Variants in EPX observed in about 807,000 individuals in gnomAD.
The protein encoded by EPX is eosinophil peroxidase.
Under a neutral mutation model 73.0 loss-of-function variants are expected in EPX, and 60 were observed. The ratio of observed to expected loss-of-function variants is 0.82; its 90% CI spans 0.67 to 1.02. EPX has a LOEUF of 1.02. Ranked by LOEUF, EPX falls within the 50% of genes least tolerant of loss-of-function variation. The probability of loss-of-function intolerance (pLI) is 0.00; values close to 1 mark genes in which losing one functional copy is unlikely to be tolerated. For missense variants in EPX, 950 were observed against 973.9 expected, an observed-to-expected ratio of 0.98 and a Z score of 0.33; for synonymous variants, 347 against 389.2, an observed-to-expected ratio of 0.89 and a Z score of 1.28.
At chr17:58,194,369 G>A (rs369302250) in intron 5 of EPX, among the ~76,000 whole-genome samples, 6 of 152,260 alleles carry the variant, frequency 3.9e-5, no homozygotes, top group Non-Finnish European at 7.4e-5. Flanking sequence ...GGTGTTGTAC[G>A]GTTTTTTCTG....
intron 10 of EPX, chr17:58,202,813 T>G: frequency 2.0e-6 from 1 of 495,626 alleles, no homozygotes; most frequent in Non-Finnish European, 3.7e-6. Context: ...GTCGGATTTG[T>G]GGTTATGAGT....
chr17:58,194,726 C>G (rs1017692688), intron 5 of EPX, among the ~76,000 whole-genome samples: 2 of 152,194 alleles, frequency 1.3e-5, no homozygotes, highest in African/African-American at 4.8e-5. Flanking sequence ...GCCAGTCAAC[C>G]TAGCCCCTCT....
Position 58,199,743 on chromosome 17 carries a change from C to T in EPX, c.1486C>T (p.His496Tyr), listed in dbSNP as rs757730085. 13 of 1,614,164 alleles carry T rather than the reference C, an allele frequency of 8.1e-6. No individual in the cohort carries two copies. In the East Asian group the frequency reaches 2.7e-4, roughly 33 times the overall value. Residue 496 changes from histidine to tyrosine, a missense_variant, in exon 9 of 13, where the codon CAT (histidine) becomes TAT (tyrosine). By Grantham distance (83) the His-to-Tyr change is moderately conservative. Transcript: ENST00000225371. ...GTACCGGGCCTCCGCACCCAACTCG[C>T]ATGTCCCACTTAGCTCTGCCTTCTT... ...SQYRASAPNS[H>Y]VPLSSAFFAS... is the part of the protein sequence containing the mutation.
chr17:58,195,263 C>A (rs972851361), intron 6 of EPX, 93 bp downstream of exon 6: 2 of 966,150 alleles, frequency 2.1e-6, no homozygotes, highest in African/African-American at 3.2e-5. Context: ...GGAGCACCAT[C>A]CTTAAGGAGC....
intron 5 of EPX, 131 bp from the exon 6 acceptor site, chr17:58,194,833 G>T: frequency 1.4e-6 from 1 of 731,568 alleles, no homozygotes; most frequent in South Asian, 1.5e-5. Context: ...GACAAAAGGG[G>T]CATGGAGGGC....
Position 58,199,171 on chromosome 17 carries a change from G to C in EPX, c.1252G>C (p.Ala418Pro), listed in dbSNP as rs1567789642. Reference protein sequence around the residue: ...RWNGDKLYNEARKIMGAMVQI... With the variant: ...RWNGDKLYNEPRKIMGAMVQI... ...GAATGGAGACAAACTGTACAATGAG[G>C]CTCGGAAGATCATGGGGGCCATGGT... The change falls in exon 8 of 13, where the codon GCT becomes CCT. Residue 418 changes from alanine to proline, a missense_variant. Physicochemically the swap from Ala to Pro is conservative, Grantham distance 27 (BLOSUM62 -1). Coordinates refer to ENST00000225371, the MANE Select transcript of EPX (RefSeq NM_000502.6). 3.1e-6 allele frequency: 5 copies of C among 1,614,096 alleles called. No individual in the cohort carries two copies. The East Asian group carries it at 1.1e-4, about 36-fold the overall frequency.
Position 58,204,360 on chromosome 17 carries a change from T to C in EPX, c.2085T>C (p.Pro695=). The change falls in exon 12 of 13, where the codon CCT becomes CCC. Residue 695 remains proline (P), a synonymous_variant. Transcript: ENST00000225371. ...SRDIFRANIY[P]RGFVNCSRIP... is the part of the protein sequence containing the mutation. ...ACATCTTCAGAGCCAACATCTACCC[T>C]CGGGGCTTTGTGAACTGCAGCCGTA... 6.2e-7 allele frequency: 1 copy of C among 1,614,076 alleles called. No homozygotes were observed. The highest frequency in any genetic ancestry group is 2.2e-5 in the East Asian group (1 of 44,880).
intron 11 of EPX, 58 bp downstream of exon 11, chr17:58,203,376 C>A: frequency 1.9e-6 from 2 of 1,072,300 alleles, no homozygotes; most frequent in Non-Finnish European, 2.9e-6. Flanking sequence ...AAAACACTAG[C>A]ATTTCAAGAC....
chr17:58,200,464 C>T (rs1968324977), intron 10 of EPX, 69 bp downstream of exon 10: 36 of 1,472,084 alleles, frequency 2.4e-5, no homozygotes, highest in Non-Finnish European at 3.2e-5. Context: ...TCTGGGAAGA[C>T]CCTGGTACCT....
In EPX at chr17:58,196,972, C is replaced by T. The variant is rs750422182; in HGVS notation, c.835C>T (p.Arg279Cys). 1.7e-5 allele frequency: 28 copies of T among 1,613,984 alleles called. No individual in the cohort carries two copies. Among genetic ancestry groups the T allele is most frequent in the East Asian group, 4.5e-5 (2 of 44,894 alleles). Residue 279 changes from arginine (R) to cysteine (C), a missense_variant, in exon 7 of 13, where the codon CGT becomes TGT. Arg to Cys is a radical substitution (Grantham distance 180). Coordinates refer to ENST00000225371, the MANE Select transcript of EPX (RefSeq NM_000502.6). ...PPNDPRIKNQ[R>C]DCIPFFRSAP... Reference sequence around the variant, plus strand: ...CAATGACCCCCGCATCAAGAACCAGCGTGACTGCATCCCTTTCTTCCGCTC... The same window carrying T: ...CAATGACCCCCGCATCAAGAACCAGTGTGACTGCATCCCTTTCTTCCGCTC...
At chr17:58,198,355 T>C (rs1297497305) in intron 7 of EPX, among the ~76,000 whole-genome samples, 1 of 152,204 alleles carries the variant, frequency 6.6e-6, no homozygotes. Context: ...ACTGTTTTCC[T>C]CACAGAGAGT....
At chr17:58,199,359 G>A (rs1409503579) in intron 8 of EPX, among the ~76,000 whole-genome samples, 159 bp downstream of exon 8, 2 of 152,172 alleles carry the variant, frequency 1.3e-5, no homozygotes, top group African/African-American at 2.4e-5. Flanking sequence ...TCTAACTCCC[G>A]TGTGACCCTG....
rs745924084 is a variant in EPX, at chr17:58,199,141, C to T, written c.1222C>T (p.Arg408Trp). The change falls in exon 8 of 13, where the codon CGG becomes TGG. Residue 408 changes from arginine to tryptophan, a missense_variant. By Grantham distance (101) the Arg-to-Trp change is moderately radical. Transcript: ENST00000225371. ...LATELRRLNP[R>W]WNGDKLYNEA... ...CACCGAGCTGAGACGCCTGAATCCC[C>T]GGTGGAATGGAGACAAACTGTACAA... 1.4e-5 allele frequency: 23 copies of T among 1,613,984 alleles called. No individual in the cohort carries two copies. The highest frequency in any genetic ancestry group is 1.7e-5 in the Non-Finnish European group (20 of 1,180,010).
In EPX at chr17:58,193,793, C is replaced by T. The variant is rs144072173; in HGVS notation, c.426C>T (p.Ser142=). 4.0e-5 allele frequency: 64 copies of T among 1,613,166 alleles called. No homozygotes were observed. Among genetic ancestry groups the T allele is most frequent in the African/African-American group, 5.3e-5 (4 of 74,908 alleles). ...CALRDQAERC[S]DKYRTITGRC... ...TCCGGGACCAGGCCGAGCGCTGCAG[C>T]GACAAGTACCGCACCATCACTGGAC... is the stretch of plus-strand genomic sequence containing the variant. The change falls in exon 4 of 13, where the codon AGC becomes AGT. Residue 142 remains serine, a synonymous_variant. Transcript: ENST00000225371.
chr17:58,198,204 T>TGCCC (rs1968288471), intron 7 of EPX, among the ~76,000 whole-genome samples: 1 of 152,234 alleles, frequency 6.6e-6, no homozygotes, highest in African/African-American at 2.4e-5. Flanking sequence ...ATTATTATTG[T>TGCCC]TCTCATTTTA....
rs1324684763 is a variant in EPX at position 58,193,828 on chromosome 17, A to G, written c.461A>G (p.Asn154Ser). 1.2e-6 allele frequency: 2 copies of G among 1,610,840 alleles called. No homozygotes were observed. The highest frequency in any genetic ancestry group is 2.2e-5 in the East Asian group (1 of 44,836). ...CGCACCATCACTGGACGGTGCAACA[A>G]CAAGTGCGTGCGGGGCGGCAGGAGG... Reference protein sequence around the residue: ...KYRTITGRCNNKRRPLLGASN... With the variant: ...KYRTITGRCNSKRRPLLGASN... The change falls in exon 4 of 13, where the codon AAC becomes AGC. Residue 154 changes from asparagine to serine, a missense_variant. Coordinates refer to ENST00000225371, the MANE Select transcript of EPX (RefSeq NM_000502.6).
At chr17:58,194,189 C>G in intron 5 of EPX, 97 bp downstream of exon 5, 1 of 1,238,904 alleles carries the variant, frequency 8.1e-7, no homozygotes, top group Non-Finnish European at 1.2e-6. Flanking sequence ...TGAACCCAGG[C>G]CCTTCCACTG....
intron 7 of EPX, among the ~76,000 whole-genome samples, chr17:58,197,886 A>G (rs1025095814): frequency 6.6e-6 from 1 of 152,124 alleles, no homozygotes; most frequent in African/African-American, 2.4e-5. Flanking sequence ...CCCAGGCTGG[A>G]GTGCAGTGGC....
At chr17:58,201,250 C>T (rs906061401) in intron 10 of EPX, among the ~76,000 whole-genome samples, 10 of 152,212 alleles carry the variant, frequency 6.6e-5, no homozygotes, top group Non-Finnish European at 1.3e-4. Flanking sequence ...CTTCACACAG[C>T]GCCTGGTAGA....
Sources: allele counts gnomAD v4.1 joint callset (sites outside exome capture counted in the v4.1 genomes callset), GRCh38; gene constraint gnomAD v4.1.1; transcripts MANE v1.5; gene names NCBI Gene and HGNC (gene_info 2026-07-23, HGNC 2026-07-21).